The following MACROD2 variants were observed in gnomAD, a reference collection of about 807,000 sequenced individuals.
The protein encoded by MACROD2 is mono-ADP ribosylhydrolase 2.
MACROD2 carries 36 observed loss-of-function variants against 70.4 expected under a neutral mutation model. The observed-to-expected ratio is 0.51, with a 90% confidence interval of 0.39 to 0.68. The LOEUF is 0.68. Among genes scored for constraint, MACROD2 ranks in the 30% least tolerant of loss-of-function variants. MACROD2 has a pLI of 0.00. For synonymous variants in MACROD2, 172 were observed against 178.8 expected (o/e 0.96, Z 0.30); for missense variants, 496 against 538.4 (o/e 0.92, Z 0.78).
At chr20:14,126,272 G>A (rs531061547) in intron 3 of MACROD2, among the ~76,000 whole-genome samples, 5 of 152,258 alleles carry the variant, frequency 3.3e-5, no homozygotes, top group East Asian at 3.9e-4. Context: ...CTGTGCATGC[G>A]CTTCCCTGGT....
At position 15,664,597 on chromosome 20, in the gene MACROD2, C is replaced by T. The variant is rs73105616; in HGVS notation, c.645+164750C>T. Among the ~76,000 whole-genome samples the T allele has an allele frequency of 3.6e-3, 545 of 152,278 alleles. 2 individuals carry two copies. The highest frequency in any genetic ancestry group is 6.0e-3 in the Non-Finnish European group (409 of 68,030). On this transcript the variant is annotated intron_variant, in intron 8 of 17. Coordinates refer to ENST00000684519, the MANE Select transcript of MACROD2 (RefSeq NM_001351661.2). ...TTGCCTCAATAGCTCCACCTCAAAA[C>T]GTGTGTCCATCTGGGTTTGGCTCCT...
chr20:15,175,186 C>T (rs1247033972), intron 5 of MACROD2, among the ~76,000 whole-genome samples: 1 of 149,410 alleles, frequency 6.7e-6, no homozygotes, highest in Non-Finnish European at 1.5e-5. Flanking sequence ...GAACAAAAAA[C>T]CAAACACCGC....
At chr20:15,615,108 G>A (rs976251818) in intron 8 of MACROD2, among the ~76,000 whole-genome samples, 1 of 152,092 alleles carries the variant, frequency 6.6e-6, no homozygotes, top group Non-Finnish European at 1.5e-5. Flanking sequence ...TGAAGGCCTC[G>A]TGGTTCTGAG....
chr20:15,337,141 T>G (rs995789970), intron 6 of MACROD2, among the ~76,000 whole-genome samples: 4 of 151,822 alleles, frequency 2.6e-5, no homozygotes, highest in Admixed American at 6.6e-5. Context: ...ATTTGGAAGA[T>G]TCATCAATGG....
intron 3 of MACROD2, among the ~76,000 whole-genome samples, chr20:14,312,771 C>A (rs1027848358): frequency 6.6e-6 from 1 of 152,150 alleles, no homozygotes; most frequent in South Asian, 2.1e-4. Flanking sequence ...AGTGGGATTA[C>A]GAAAGGCAAA....
intron 4 of MACROD2, among the ~76,000 whole-genome samples, chr20:14,576,851 A>C (rs1980635392): frequency 6.6e-6 from 1 of 152,276 alleles, no homozygotes; most frequent in African/African-American, 2.4e-5. Flanking sequence ...ATAATGCAAT[A>C]GAACTTGGGT....
chr20:15,097,474 C>G (rs2075842404), intron 5 of MACROD2, among the ~76,000 whole-genome samples: 1 of 152,078 alleles, frequency 6.6e-6, no homozygotes, highest in Non-Finnish European at 1.5e-5. Context: ...TATAGCATAA[C>G]AGATGTCTTT....
At chr20:14,711,328 T>G (rs77271117) in intron 5 of MACROD2, among the ~76,000 whole-genome samples, 1 of 152,242 alleles carries the variant, frequency 6.6e-6, no homozygotes, top group African/African-American at 2.4e-5. Flanking sequence ...GTATCCATTT[T>G]TGATCTGTAG....
chr20:14,864,714 A>G (rs2073409055), intron 5 of MACROD2, among the ~76,000 whole-genome samples: 1 of 152,110 alleles, frequency 6.6e-6, no homozygotes, highest in South Asian at 2.1e-4. Flanking sequence ...GCTTCTAAAG[A>G]TAACTGAGAA....
At chr20:16,010,398 C>G (rs1303877537) in intron 15 of MACROD2, among the ~76,000 whole-genome samples, 4 of 152,188 alleles carry the variant, frequency 2.6e-5, no homozygotes, top group African/African-American at 9.7e-5. Flanking sequence ...ATCACAGCCA[C>G]AGAAACCAGA....
intron 5 of MACROD2, among the ~76,000 whole-genome samples, chr20:14,774,814 A>G (rs1157401316): frequency 6.6e-6 from 1 of 152,136 alleles, no homozygotes; most frequent in African/African-American, 2.4e-5. Flanking sequence ...CAGTTTTCAT[A>G]CTTTTTGAAT....
intron 4 of MACROD2, among the ~76,000 whole-genome samples, chr20:14,600,378 T>C (rs6033984): frequency 0.021 from 2,864 of 138,742 alleles, 113 homozygotes; most frequent in African/African-American, 0.078. Flanking sequence ...ATATATATAC[T>C]ATATATACAC....
intron 8 of MACROD2, among the ~76,000 whole-genome samples, chr20:15,641,501 A>C (rs938261592): frequency 4.6e-5 from 7 of 152,192 alleles, no homozygotes; most frequent in Admixed American, 2.6e-4. Flanking sequence ...GTCTTTCATC[A>C]TCACCCAGAG....
chr20:14,862,644 T>TATATATAAATATATATAAAATATATATAA (rs1299865896), intron 5 of MACROD2, among the ~76,000 whole-genome samples: 1 of 9,970 alleles, frequency 1.0e-4, no homozygotes, highest in African/African-American at 3.3e-4. Flanking sequence ...TATATATAAA[T>TATATATAAATATATATAAAATATATATAA]ATATATATAT....
In MACROD2 at chr20:14,376,938, T is replaced by C. The variant is rs76256028; in HGVS notation, c.272-116541T>C. Among the ~76,000 whole-genome samples, 219 of 152,176 alleles carry C rather than the reference T, an allele frequency of 1.4e-3. 8 individuals are homozygous for C. In the East Asian group the frequency reaches 0.04, roughly 28 times the overall value. Reference sequence around the variant, plus strand: ...AAAAGGCAATAATATTAATACTAAATTTGAAAGATTTCTTGTGAGGATTTT... The same window carrying C: ...AAAAGGCAATAATATTAATACTAAACTTGAAAGATTTCTTGTGAGGATTTT... On this transcript the variant is annotated intron_variant, in intron 3 of 17. Transcript: ENST00000684519.
At chr20:14,264,504 ACCAAGTCAGGTGT>A (rs1336335512) in intron 3 of MACROD2, among the ~76,000 whole-genome samples, 1 of 152,232 alleles carries the variant, frequency 6.6e-6, no homozygotes, top group Non-Finnish European at 1.5e-5. Flanking sequence ...AAAAAGGAAG[ACCAAGTCAGGTGT>A]CCAAATCTTC....
intron 3 of MACROD2, among the ~76,000 whole-genome samples, chr20:14,409,342 C>G (rs2083724784): frequency 6.6e-6 from 1 of 151,984 alleles, no homozygotes; most frequent in South Asian, 2.1e-4. Flanking sequence ...GCTCAGTAAG[C>G]TCTTACTAAG....
chr20:14,649,944 A>G (rs1001162627), intron 4 of MACROD2, among the ~76,000 whole-genome samples: 8 of 152,156 alleles, frequency 5.3e-5, no homozygotes, highest in African/African-American at 1.9e-4. Flanking sequence ...ATAGACTGAT[A>G]ACAACTTGTT....
chr20:14,174,701 C>T (rs975652045), intron 3 of MACROD2, among the ~76,000 whole-genome samples: 4 of 152,180 alleles, frequency 2.6e-5, no homozygotes, highest in Admixed American at 1.3e-4. Flanking sequence ...GTCCAGGAAG[C>T]TTTGTGTGCA....
Sources: allele counts gnomAD v4.1 joint callset (sites outside exome capture counted in the v4.1 genomes callset), GRCh38; gene constraint gnomAD v4.1.1; transcripts MANE v1.5; gene names NCBI Gene and HGNC (gene_info 2026-07-23, HGNC 2026-07-21).